The following TDRD9 variants were observed in gnomAD, a reference collection of about 807,000 sequenced individuals.
TDRD9 encodes tudor domain containing 9, also known as ATP-dependent RNA helicase TDRD9.
TDRD9 carries 124 observed loss-of-function variants against 172.6 expected under a neutral mutation model. The ratio of observed to expected loss-of-function variants is 0.72; its 90% CI spans 0.62 to 0.83. The LOEUF is 0.83. TDRD9 is among the 40% of genes least tolerant of loss of function. TDRD9 has a pLI of 0.00. For missense variants in TDRD9, 1,479 were observed against 1,714.1 expected (o/e 0.86, Z 2.42); for synonymous variants, 619 against 617.1 (o/e 1.00, Z -0.05).
chr14:103,967,910 A>G (rs2032823902), intron 5 of TDRD9, among the ~76,000 whole-genome samples: 1 of 152,212 alleles, frequency 6.6e-6, no homozygotes, highest in African/African-American at 2.4e-5. Flanking sequence ...GCTTTTTAGT[A>G]TAATTGAGCC....
At chr14:104,034,108 T>C in intron 31 of TDRD9, 39 bp downstream of exon 31, 4 of 1,345,368 alleles carry the variant, frequency 3.0e-6, no homozygotes, top group Non-Finnish European at 4.2e-6. Flanking sequence ...TCCTCTCTTT[T>C]TTCTTTTCCT....
Position 103,965,516 on chromosome 14 carries a change from G to C in TDRD9, c.604G>C (p.Glu202Gln). 4 of 1,550,234 alleles carry C rather than the reference G, an allele frequency of 2.6e-6. No individual in the cohort carries two copies. The highest frequency in any genetic ancestry group is 3.5e-6 in the Non-Finnish European group (4 of 1,146,286). Reference sequence around the variant, plus strand: ...CAGCATCGCCAGGTGGATCAGTAAAGAGCGTGCCTGGACCCTGGGAGGTGT... The same window carrying C: ...CAGCATCGCCAGGTGGATCAGTAAACAGCGTGCCTGGACCCTGGGAGGTGT... Reference protein sequence around the residue: ...ASSIARWISKERAWTLGGVVG... With the variant: ...ASSIARWISKQRAWTLGGVVG... The change falls in exon 4 of 36, where the codon GAG becomes CAG. Residue 202 changes from glutamate (E) to glutamine (Q), a missense_variant. This residue lies in a region of TDRD9 where 1,413 missense variants were observed against 1,649.1 expected (regional missense o/e 0.86). Coordinates refer to ENST00000409874, the MANE Select transcript of TDRD9 (RefSeq NM_153046.3).
chr14:104,042,491 C>G (rs1012374618), intron 34 of TDRD9, among the ~76,000 whole-genome samples: 1 of 152,058 alleles, frequency 6.6e-6, no homozygotes, highest in Non-Finnish European at 1.5e-5. Context: ...TGGGGGAGTC[C>G]GGCTTGTAGG....
At chr14:103,988,415 G>C (rs750905310) in intron 8 of TDRD9, among the ~76,000 whole-genome samples, 7 of 152,008 alleles carry the variant, frequency 4.6e-5, no homozygotes, top group Middle Eastern at 3.2e-3. Flanking sequence ...CTCGTGATGC[G>C]CCCGCCTCGG....
rs2030124694 is a variant in TDRD9, at chr14:103,928,545, C to T, written c.36C>T (p.Asp12=). Residue 12 remains aspartate (D), a synonymous_variant, in exon 1 of 36, where the codon GAC becomes GAT. Transcript: ENST00000409874. ...LRKLTIEQIN[D]WFTIGKTVTN... is the part of the protein sequence containing the mutation. Reference sequence around the variant, plus strand: ...AGCTCACCATCGAGCAGATCAACGACTGGTTCACCATCGGCAAGACGGTGA... The same window carrying T: ...AGCTCACCATCGAGCAGATCAACGATTGGTTCACCATCGGCAAGACGGTGA... 1 of 1,394,594 alleles carries T rather than the reference C, an allele frequency of 7.2e-7. No individual in the cohort carries two copies. The allele number at this position is 1,394,594 out of a possible 1,614,324, so 86.4% of individuals were successfully genotyped here. A position where few individuals can be genotyped will look rare whatever the true frequency, so the allele number is the denominator to read the frequency against.
chr14:104,025,045 G>T (rs552043420), intron 25 of TDRD9, among the ~76,000 whole-genome samples: 1 of 152,174 alleles, frequency 6.6e-6, no homozygotes, highest in Non-Finnish European at 1.5e-5. Context: ...GCAGTGGCAC[G>T]ATCTCTGTTC....
At chr14:103,990,480 C>A (rs562463772) in intron 8 of TDRD9, among the ~76,000 whole-genome samples, 124 of 152,382 alleles carry the variant, frequency 8.1e-4, no homozygotes, top group Non-Finnish European at 1.3e-3. Flanking sequence ...AGCCAGCCCT[C>A]CTGAGAGCAC....
At chr14:103,982,449 C>T (rs377446147) in intron 7 of TDRD9, among the ~76,000 whole-genome samples, 7 of 152,216 alleles carry the variant, frequency 4.6e-5, no homozygotes, top group African/African-American at 9.6e-5. Context: ...ACTTACCTGG[C>T]CTTTCTGCAA....
At chr14:104,025,393 T>G (rs1410866205) in intron 25 of TDRD9, among the ~76,000 whole-genome samples, 171 bp from the exon 26 acceptor site, 1 of 152,200 alleles carries the variant, frequency 6.6e-6, no homozygotes. Flanking sequence ...GGGGACCCCC[T>G]CTTTTTGTCT....
intron 35 of TDRD9, 56 bp downstream of exon 35, chr14:104,049,736 C>A: frequency 6.9e-7 from 1 of 1,448,498 alleles, no homozygotes; most frequent in Non-Finnish European, 9.5e-7. Flanking sequence ...AGGGGACAGG[C>A]CCTGGGCAGA....
At chr14:104,048,134 G>T (rs12885482) in intron 34 of TDRD9, among the ~76,000 whole-genome samples, 82,439 of 152,026 alleles carry the variant, frequency 0.54, 22,571 homozygotes, top group South Asian at 0.63. Context: ...TGGGTTTTGT[G>T]GTTTTGTTTG....
intron 1 of TDRD9, among the ~76,000 whole-genome samples, chr14:103,947,086 C>A (rs1023458794): frequency 2.0e-5 from 3 of 152,008 alleles, no homozygotes; most frequent in Non-Finnish European, 4.4e-5. Context: ...TCAAAACAAT[C>A]TTGAAAAAGA....
chr14:103,973,069 C>G (rs1227320445), intron 6 of TDRD9, among the ~76,000 whole-genome samples: 2 of 152,128 alleles, frequency 1.3e-5, no homozygotes, highest in African/African-American at 2.4e-5. Flanking sequence ...ATTAACAAAA[C>G]CCTACACTGA....
chr14:104,011,564 G>A (rs1379098099), intron 20 of TDRD9, among the ~76,000 whole-genome samples: 1 of 152,086 alleles, frequency 6.6e-6, no homozygotes, highest in Non-Finnish European at 1.5e-5. Context: ...AATACCCCTG[G>A]TAGTTACTGA....
chr14:104,019,827 T>G lies in TDRD9; in HGVS notation c.2432+1635T>G, dbSNP rs751276068. Among the ~76,000 whole-genome samples, 6 of 152,188 alleles carry G rather than the reference T, an allele frequency of 3.9e-5. 1 individual carries two copies. The highest frequency in any genetic ancestry group is 2.0e-4 in the Admixed American group (3 of 15,278). On this transcript the variant is annotated intron_variant, in intron 23 of 35. Coordinates refer to ENST00000409874, the MANE Select transcript of TDRD9 (RefSeq NM_153046.3). ...TCACAGACATTTGCCTGCTGTGAGA[T>G]GTCATGGGAAAGGCCTAGAAGGTCA...
intron 2 of TDRD9, among the ~76,000 whole-genome samples, chr14:103,957,755 T>C (rs887237020): frequency 6.6e-6 from 1 of 152,158 alleles, no homozygotes; most frequent in East Asian, 1.9e-4. Context: ...CTTGTCACAC[T>C]CACGTACTGG....
At chr14:104,048,596 CT>C (rs1397424496) in intron 34 of TDRD9, among the ~76,000 whole-genome samples, 5 of 152,242 alleles carry the variant, frequency 3.3e-5, no homozygotes, top group African/African-American at 1.2e-4. Flanking sequence ...AGTTCAGGCA[CT>C]TTTTGATTCT....
At chr14:104,004,442 A>G in intron 14 of TDRD9, 107 bp downstream of exon 14, 2 of 585,810 alleles carry the variant, frequency 3.4e-6, no homozygotes, top group African/African-American at 1.8e-5. Context: ...GTGCACTGGC[A>G]TGATCTTGGC....
At chr14:104,049,956 AACC>A in intron 35 of TDRD9, 1 of 383,970 alleles carries the variant, frequency 2.6e-6, no homozygotes, top group Non-Finnish European at 4.7e-6. Context: ...GTCTGGATTG[AACC>A]TTCCTGCTCT....
Sources: allele counts gnomAD v4.1 joint callset (sites outside exome capture counted in the v4.1 genomes callset), GRCh38; gene constraint gnomAD v4.1.1; regional missense constraint gnomAD v4.1.1; transcripts MANE v1.5; gene names NCBI Gene and HGNC (gene_info 2026-07-23, HGNC 2026-07-21).